Variants in NOX4 observed in about 807,000 individuals in gnomAD.
The protein encoded by NOX4 is NADPH oxidase 4, also known as kidney oxidase-1.
Under a neutral mutation model 87.6 loss-of-function variants are expected in NOX4, and 69 were observed. The observed-to-expected ratio is 0.79, with a 90% CI of 0.65 to 0.96. The LOEUF (loss-of-function observed/expected upper bound fraction) is 0.96, where lower values mean the gene tolerates loss of function less well. Among genes scored for constraint, NOX4 ranks in the 40% least tolerant of loss-of-function variants. The probability of loss-of-function intolerance (pLI) is 0.00; values close to 1 mark genes in which losing one functional copy is unlikely to be tolerated. For synonymous variants in NOX4, 275 were observed against 238.2 expected, an observed-to-expected ratio of 1.15 and a Z score of -1.42; for missense variants, 680 against 681.5, an observed-to-expected ratio of 1.00 and a Z score of 0.02.
At position 89,335,946 on chromosome 11, in the gene NOX4, C is replaced by T; in HGVS notation, c.1516-1G>A. The T allele has an allele frequency of 6.3e-7, 1 of 1,575,242 alleles. No individual in the cohort carries two copies. Among genetic ancestry groups the T allele is most frequent in the South Asian group, 1.2e-5 (1 of 85,996 alleles). ...CATGATATTTTTCTCCAATTATCTT[C>T]TGCCAAAAAGAAAGCACTACATTAT... On this transcript the variant is annotated splice_acceptor_variant, in intron 16 of 17. Transcript: ENST00000263317. LOFTEE classifies it high-confidence loss of function.
At chr11:89,495,747 T>G (rs1223188749), upstream of NOX4, among the ~76,000 whole-genome samples, 1 of 152,158 alleles carries the variant, frequency 6.6e-6, no homozygotes, top group Non-Finnish European at 1.5e-5. Flanking sequence ...TAGTTAGCAT[T>G]TCCCTCAAGA....
chr11:89,367,958 C>G (rs150640147), intron 12 of NOX4, among the ~76,000 whole-genome samples: 2,249 of 152,136 alleles, frequency 0.015, 54 homozygotes, highest in African/African-American at 0.051. Context: ...CTATATATCT[C>G]TAACACTCAG....
chr11:89,571,548 G>A, the NOX4 span, among the ~76,000 whole-genome samples: 1 of 152,060 alleles, frequency 6.6e-6, no homozygotes, highest in African/African-American at 2.4e-5. Flanking sequence ...GCCCGCCTGG[G>A]CCTCCCAAAG....
chr11:89,448,539 T>A (rs1003843605), intron 4 of NOX4, among the ~76,000 whole-genome samples: 1 of 152,206 alleles, frequency 6.6e-6, no homozygotes, highest in Admixed American at 6.6e-5. Flanking sequence ...TGATCACATA[T>A]AATTCGGGAT....
At chr11:89,370,336 G>T (rs879562751) in intron 12 of NOX4, among the ~76,000 whole-genome samples, 23 of 151,592 alleles carry the variant, frequency 1.5e-4, no homozygotes, top group Non-Finnish European at 2.1e-4. Flanking sequence ...CTGCTGAAGG[G>T]ATCAATGGCA....
At chr11:89,400,616 G>A (rs550471985) in intron 9 of NOX4, among the ~76,000 whole-genome samples, 10 of 152,102 alleles carry the variant, frequency 6.6e-5, no homozygotes, top group African/African-American at 2.4e-4. Flanking sequence ...TGCCCTGGGT[G>A]TAACTATCCA....
intron 2 of NOX4, among the ~76,000 whole-genome samples, chr11:89,462,343 T>A (rs948542677): frequency 6.6e-6 from 1 of 152,136 alleles, no homozygotes; most frequent in Non-Finnish European, 1.5e-5. Flanking sequence ...CTCCAATAGG[T>A]TTTCTTCATA....
At chr11:89,537,407 A>G in the NOX4 span, among the ~76,000 whole-genome samples, 1 of 151,528 alleles carries the variant, frequency 6.6e-6, no homozygotes, top group Non-Finnish European at 1.5e-5. Flanking sequence ...ATGTATAGTT[A>G]TATATACATA....
At chr11:89,370,199 C>T (rs1264992615) in intron 12 of NOX4, among the ~76,000 whole-genome samples, 1 of 151,956 alleles carries the variant, frequency 6.6e-6, no homozygotes, top group Non-Finnish European at 1.5e-5. Context: ...ACCATATCTT[C>T]TCACTGTAGA....
At chr11:89,580,041 C>T in the NOX4 span, among the ~76,000 whole-genome samples, 1 of 152,008 alleles carries the variant, frequency 6.6e-6, no homozygotes, top group Admixed American at 6.6e-5. Flanking sequence ...ATCACGAGGA[C>T]TTTAAATGTA....
rs1565307989 is a variant in NOX4 at position 89,449,522 on chromosome 11, A to C, written c.267T>G (p.Val89=). 6 of 1,608,706 alleles carry C rather than the reference A, an allele frequency of 3.7e-6. No individual in the cohort carries two copies. Among genetic ancestry groups the C allele is most frequent in the South Asian group, 1.1e-5 (1 of 90,676 alleles). ...ACAATCTCCTGGTTCTCCTGCTTGG[A>C]ACCTAAACAAAAATCATTTAATATG... ...LLAYLRGSQK[V]PSRRTRRLLD... is the part of the protein sequence containing the mutation. Residue 89 remains valine (V), a splice_region_variant and synonymous_variant, in exon 4 of 18, where the codon GTT becomes GTG. Transcript: ENST00000263317.
At chr11:89,589,032 A>G in the NOX4 span, among the ~76,000 whole-genome samples, 2 of 152,164 alleles carry the variant, frequency 1.3e-5, no homozygotes, top group African/African-American at 4.8e-5. Context: ...AACAGACAAC[A>G]TATTAGCCTA....
chr11:89,335,850 G>A lies in NOX4; in HGVS notation c.1611C>T (p.Asn537=). ...KLLFDEIAKY[N]RGKTVGVFCC... ...TTTTGAGGTATAGTACTTACCCTCT[G>A]TTATATTTTGCTATTTCATCAAACA... Residue 537 remains asparagine (N), a synonymous_variant, in exon 17 of 18, where the codon AAC becomes AAT. Transcript: ENST00000263317. The A allele has an allele frequency of 6.4e-7, 1 of 1,566,650 alleles. No homozygotes were observed. The highest frequency in any genetic ancestry group is 8.7e-7 in the Non-Finnish European group (1 of 1,143,926).
At chr11:89,509,778 A>G in the NOX4 span, among the ~76,000 whole-genome samples, 2 of 152,086 alleles carry the variant, frequency 1.3e-5, no homozygotes, top group South Asian at 2.1e-4. Context: ...ACACACAACA[A>G]TCAGGGGTTG....
intron 2 of NOX4, among the ~76,000 whole-genome samples, chr11:89,461,935 T>C (rs1945488024): frequency 1.3e-5 from 2 of 151,948 alleles, no homozygotes; most frequent in Non-Finnish European, 2.9e-5. Flanking sequence ...CTCTAAAATG[T>C]TTTCTATTCA....
the NOX4 span, among the ~76,000 whole-genome samples, chr11:89,539,658 T>G: frequency 6.6e-6 from 1 of 152,068 alleles, no homozygotes; most frequent in Admixed American, 6.6e-5. Flanking sequence ...AATGAGTGCC[T>G]TAAGTTTCAT....
intron 17 of NOX4, among the ~76,000 whole-genome samples, chr11:89,329,447 C>T (rs1421475452): frequency 3.7e-5 from 5 of 136,146 alleles, no homozygotes; most frequent in African/African-American, 1.4e-4. Context: ...CATGTAACTG[C>T]AGTCCAACAT....
chr11:89,367,887 C>T (rs1939126193), intron 12 of NOX4, among the ~76,000 whole-genome samples: 1 of 152,016 alleles, frequency 6.6e-6, no homozygotes, highest in South Asian at 2.1e-4. Flanking sequence ...AGCTAGTTCA[C>T]CCTTCTGAGC....
At chr11:89,587,120 T>C in the NOX4 span, among the ~76,000 whole-genome samples, 1 of 152,036 alleles carries the variant, frequency 6.6e-6, no homozygotes, top group African/African-American at 2.4e-5. Flanking sequence ...GGAAAAAGAC[T>C]GAATGGAGGG....
Sources: gnomAD v4.1 joint callset for allele counts (sites outside exome capture counted in the v4.1 genomes callset) on GRCh38, gnomAD v4.1.1 for gene constraint, MANE v1.5 for transcripts, NCBI Gene and HGNC (gene_info 2026-07-23, HGNC 2026-07-21) for gene names.